TRIP6: variants seen among roughly 807,000 people sequenced by gnomAD.
TRIP6 encodes the protein thyroid hormone receptor interactor 6.
TRIP6 carries 33 observed loss-of-function variants against 51.9 expected under a neutral mutation model. The observed-to-expected ratio is 0.64, with a 90% CI of 0.48 to 0.85. The LOEUF (loss-of-function observed/expected upper bound fraction) is 0.85. TRIP6 is among the 40% of genes least tolerant of loss of function. The pLI is 0.00. For synonymous variants in TRIP6, 255 were observed against 275.8 expected (o/e 0.92, Z 0.75); for missense variants, 661 against 652.1 (o/e 1.01, Z -0.15).
intron 6 of TRIP6, chr7:100,871,106 T>C (rs761463155): frequency 2.0e-6 from 1 of 503,224 alleles, no homozygotes. Context: ...TGATCTCTGC[T>C]CACTGCAACC....
chr7:100,867,390 A>G lies in TRIP6; in HGVS notation c.-108A>G, dbSNP rs1815159043. On this transcript the variant is annotated 5_prime_UTR_variant, in exon 1 of 9. Transcript: ENST00000200457. The surrounding 1 kb of genome is among the most constrained non-coding windows in gnomAD (Gnocchi z 5.4). ...AGGAAGAGGAAAAAAAAAAGCCAGAAAAAGTTTTCTTTTCTGGAGTCCCAA... is the reference window on the plus strand; with the variant it reads ...AGGAAGAGGAAAAAAAAAAGCCAGAGAAAGTTTTCTTTTCTGGAGTCCCAA... 1.2e-6 allele frequency: 1 copy of G among 842,458 alleles called. No individual in the cohort carries two copies. Among genetic ancestry groups the G allele is most frequent in the South Asian group, 2.1e-5 (1 of 46,524 alleles). The allele number at this position is 842,458 out of a possible 1,614,324, so 52.2% of individuals were successfully genotyped here. A position where few individuals can be genotyped will look rare whatever the true frequency, so the allele number is the denominator to read the frequency against.
intron 7 of TRIP6, 64 bp downstream of exon 7, chr7:100,871,785 T>A (rs894749227): frequency 1.3e-6 from 2 of 1,573,322 alleles, no homozygotes; most frequent in African/African-American, 1.3e-5. Flanking sequence ...CATCTCTTCA[T>A]GCCCCAGGAC....
intron 4 of TRIP6, among the ~76,000 whole-genome samples, chr7:100,870,011 G>C (rs940019712): frequency 1.3e-5 from 2 of 152,052 alleles, no homozygotes; most frequent in African/African-American, 4.8e-5. Flanking sequence ...TGGGAGCCCT[G>C]AGCTTGTTTT....
rs1584719382 is a variant in TRIP6, at chr7:100,870,998, A to G, written c.999+255A>G. ...AGAGAATGTGTTAGATTCCCATGAC[A>G]CCCCTGTGAGGCAGGTATTACTACT... On this transcript the variant is annotated intron_variant, in intron 6 of 8. Coordinates refer to ENST00000200457, the MANE Select transcript of TRIP6 (RefSeq NM_003302.3). 6 of 660,476 alleles carry G rather than the reference A, an allele frequency of 9.1e-6. No individual in the cohort carries two copies. In the East Asian group the frequency reaches 1.8e-4, roughly 20 times the overall value. The allele number at this position is 660,476 out of a possible 1,614,324, so 40.9% of individuals were successfully genotyped here. A position where few individuals can be genotyped will look rare whatever the true frequency, so the allele number is the denominator to read the frequency against.
chr7:100,871,872 G>A (rs1815279517), intron 7 of TRIP6, 151 bp downstream of exon 7: 15 of 1,111,438 alleles, frequency 1.3e-5, no homozygotes, highest in Non-Finnish European at 1.8e-5. Flanking sequence ...GTTTCACTCT[G>A]TTGCCCAGGC....
Position 100,867,935 on chromosome 7 carries a change from G to A in TRIP6, c.184G>A (p.Glu62Lys). ...GTGTTACCAGGCCCCAGGGGGACCG[G>A]AGGATCGGGGGCCGGCGTGGGTGGG... Reference protein sequence around the residue: ...EQCYQAPGGPEDRGPAWVGSH... With the variant: ...EQCYQAPGGPKDRGPAWVGSH... Residue 62 changes from glutamate to lysine, a missense_variant, in exon 2 of 9, where the codon GAG becomes AAG. Glu to Lys is a moderately conservative substitution (Grantham distance 56). Transcript: ENST00000200457. The surrounding 1 kb of genome is among the most constrained non-coding windows in gnomAD (Gnocchi z 5.4). The A allele has an allele frequency of 6.6e-7, 1 of 1,516,566 alleles. No individual in the cohort carries two copies. The highest frequency in any genetic ancestry group is 8.8e-7 in the Non-Finnish European group (1 of 1,136,862). The allele number at this position is 1,516,566 out of a possible 1,614,324, so 93.9% of individuals were successfully genotyped here.
chr7:100,867,739 C>T lies in TRIP6; in HGVS notation c.110-122C>T, dbSNP rs561151891. 4.8e-5 allele frequency: 73 copies of T among 1,517,652 alleles called. No individual in the cohort carries two copies. Among genetic ancestry groups the T allele is most frequent in the East Asian group, 9.5e-5 (4 of 42,080 alleles). 94.0% of individuals were successfully genotyped at this position (1,517,652 alleles called of 1,614,324 possible). Reference sequence around the variant, plus strand: ...CCGAGGCGGGGGGAACAGCCGCCTGCGCTCTCTTGGGACCCTAGATTTGGG... The same window carrying T: ...CCGAGGCGGGGGGAACAGCCGCCTGTGCTCTCTTGGGACCCTAGATTTGGG... On this transcript the variant is annotated intron_variant, in intron 1 of 8. Coordinates refer to ENST00000200457, the MANE Select transcript of TRIP6 (RefSeq NM_003302.3). The surrounding 1 kb of genome is among the most constrained non-coding windows in gnomAD (Gnocchi z 5.4).
intron 7 of TRIP6, among the ~76,000 whole-genome samples, chr7:100,871,981 G>A (rs1169192387): frequency 6.7e-6 from 1 of 149,908 alleles, no homozygotes; most frequent in Non-Finnish European, 1.5e-5. Context: ...GACTACGGGT[G>A]CACACGCCAC....
chr7:100,871,243 C>T (rs1815262401), intron 6 of TRIP6: 1 of 502,292 alleles, frequency 2.0e-6, no homozygotes, highest in Non-Finnish European at 3.7e-6. Context: ...CCATGTTGGC[C>T]AGGCTGTTTT....
At chr7:100,868,307 C>T in intron 3 of TRIP6, 74 bp downstream of exon 3, 1 of 1,573,222 alleles carries the variant, frequency 6.4e-7, no homozygotes, top group Non-Finnish European at 8.6e-7. Context: ...GATCGATCCC[C>T]CATGTGTGTA....
At chr7:100,870,916 A>C (rs1815255707) in intron 6 of TRIP6, 173 bp downstream of exon 6, 1 of 893,228 alleles carries the variant, frequency 1.1e-6, no homozygotes, top group African/African-American at 1.7e-5. Flanking sequence ...GTAGCTTAAC[A>C]CTGGTGGCTG....
At position 100,873,081 on chromosome 7, in the gene TRIP6, C is replaced by G. The variant is rs566036259; in HGVS notation, c.1300-91C>G. 5.2e-5 allele frequency: 79 copies of G among 1,519,098 alleles called. 2 individuals are homozygous for G. In the South Asian group the frequency reaches 8.5e-4, roughly 16 times the overall value. 94.1% of individuals were successfully genotyped at this position (1,519,098 alleles called of 1,614,324 possible). ...GGCCAGGCTGGTCTTGAACTCCTGA[C>G]CTTGTGATCCTCCTGCCTCGGCTTC... On this transcript the variant is annotated intron_variant, in intron 8 of 8. Transcript: ENST00000200457.
chr7:100,868,092 C>T lies in TRIP6; in HGVS notation c.238-16C>T. ...TATGGTGATTTGCATTCTTCCTGCCCTGGCTCCATCCTCAGGGGCTCCCTG... is the reference window on the plus strand; with the variant it reads ...TATGGTGATTTGCATTCTTCCTGCCTTGGCTCCATCCTCAGGGGCTCCCTG... On this transcript the variant is annotated splice_polypyrimidine_tract_variant and intron_variant, in intron 2 of 8. Coordinates refer to ENST00000200457, the MANE Select transcript of TRIP6 (RefSeq NM_003302.3). 6.2e-7 allele frequency: 1 copy of T among 1,612,582 alleles called. No individual in the cohort carries two copies. Among genetic ancestry groups the T allele is most frequent in the Non-Finnish European group, 8.5e-7 (1 of 1,179,528 alleles).
Position 100,867,635 on chromosome 7 carries a change from C to T in TRIP6, c.109+29C>T. The stretch of plus-strand genomic sequence containing the variant: ...AGGCAGCCCTTGTGAGACAGAAGAG[C>T]CACCCAGCTGTGGCGCTCACCTCTG... On this transcript the variant is annotated intron_variant, in intron 1 of 8. Transcript: ENST00000200457. The surrounding 1 kb of genome is among the most constrained non-coding windows in gnomAD (Gnocchi z 5.4). 6.5e-7 allele frequency: 1 copy of T among 1,547,886 alleles called. No individual in the cohort carries two copies. The highest frequency in any genetic ancestry group is 8.7e-7 in the Non-Finnish European group (1 of 1,149,832).
At chr7:100,870,864 A>T (rs1815254627) in intron 6 of TRIP6, 121 bp downstream of exon 6, 1 of 1,351,298 alleles carries the variant, frequency 7.4e-7, no homozygotes, top group East Asian at 2.5e-5. Flanking sequence ...GGCGACTGAA[A>T]GTGATGTACA....
chr7:100,871,295 A>G lies in TRIP6; in HGVS notation c.1000-248A>G, dbSNP rs919175489. ...AGCAGTCCGCCCACTCTGGCCTCCCAAAGTGCTGGCATTACAGGCGTGAGC... is the reference window on the plus strand; with the variant it reads ...AGCAGTCCGCCCACTCTGGCCTCCCGAAGTGCTGGCATTACAGGCGTGAGC... On this transcript the variant is annotated intron_variant, in intron 6 of 8. Coordinates refer to ENST00000200457, the MANE Select transcript of TRIP6 (RefSeq NM_003302.3). 1.0e-5 allele frequency: 6 copies of G among 573,174 alleles called. No homozygotes were observed. The East Asian group carries it at 1.2e-4, about 11-fold the overall frequency. The allele number at this position is 573,174 out of a possible 1,614,324, so 35.5% of individuals were successfully genotyped here.
rs779826516 is a variant in TRIP6 at position 100,868,525 on chromosome 7, C to G, written c.394C>G (p.Arg132Gly). The change falls in exon 4 of 9, where the codon CGC becomes GGC. Residue 132 changes from arginine to glycine, a missense_variant. Transcript: ENST00000200457. The stretch of plus-strand genomic sequence containing the variant: ...TGAGCCCCCGCCACCTCCTGCCTAC[C>G]GCACGGGCTCCCTGAAGCCAAATCC... ...AYEPPPPPAY[R>G]TGSLKPNPAS... 4 of 1,612,966 alleles carry G rather than the reference C, an allele frequency of 2.5e-6. No homozygotes were observed. The highest frequency in any genetic ancestry group is 1.3e-5 in the African/African-American group (1 of 74,932).
rs772293454 is a variant in TRIP6, at chr7:100,868,557, G to A, written c.426G>A (p.Ser142=). ...GCTCCCTGAAGCCAAATCCAGCCTC[G>A]CCGCTCCCAGCGTCTCCCTATGGGG... ...RTGSLKPNPA[S]PLPASPYGGP... is the part of the protein sequence containing the mutation. Residue 142 remains serine (S), a synonymous_variant, in exon 4 of 9, where the codon TCG becomes TCA. Coordinates refer to ENST00000200457, the MANE Select transcript of TRIP6 (RefSeq NM_003302.3). 11 of 1,612,996 alleles carry A rather than the reference G, an allele frequency of 6.8e-6. No individual in the cohort carries two copies. The highest frequency in any genetic ancestry group is 2.2e-5 in the East Asian group (1 of 44,870).
intron 4 of TRIP6, 49 bp downstream of exon 4, chr7:100,868,915 C>T (rs777165470): frequency 7.6e-6 from 11 of 1,445,308 alleles, no homozygotes; most frequent in Non-Finnish European, 1.0e-5. Flanking sequence ...AATGGGACAC[C>T]GACTGGGTGG....
Sources: gnomAD v4.1 joint callset for allele counts (sites outside exome capture counted in the v4.1 genomes callset) on GRCh38, gnomAD v4.1.1 for gene constraint, Gnocchi (gnomAD v3.1) non-coding constraint, MANE v1.5 for transcripts, NCBI Gene and HGNC (gene_info 2026-07-23, HGNC 2026-07-21) for gene names.